Variants in POLGARF observed in about 807,000 individuals in gnomAD.
POLGARF encodes POLG alternative reading frame.
At chr15:89,332,286 A>T in the POLGARF span, 1 of 152,214 alleles carries the variant, frequency 6.6e-6, no homozygotes, top group Non-Finnish European at 1.5e-5. Flanking sequence ...TTCTTTACAA[A>T]GATGTAGCTT....
the POLGARF span, chr15:89,333,596 T>TGCTGC: frequency 1.3e-6 from 2 of 1,598,022 alleles, no homozygotes; most frequent in Admixed American, 1.7e-5. Flanking sequence ...GAGGCTGCTG[T>TGCTGC]TGCTGCTGCT....
the POLGARF span, among the ~76,000 whole-genome samples, chr15:89,332,919 G>C: frequency 4.4e-3 from 664 of 152,254 alleles, 5 homozygotes; most frequent in African/African-American, 0.015. Flanking sequence ...TACTGCCTGT[G>C]ATCTTCCCAC....
the POLGARF span, among the ~76,000 whole-genome samples, chr15:89,332,793 G>A: frequency 2.0e-5 from 3 of 152,028 alleles, no homozygotes; most frequent in African/African-American, 4.8e-5. Context: ...TAGGAGAGGG[G>A]GTAAAGGCAC....
At chr15:89,333,391 C>A in the POLGARF span, 2 of 1,589,364 alleles carry the variant, frequency 1.3e-6, no homozygotes, top group Non-Finnish European at 1.7e-6. Context: ...AGCTCCACGT[C>A]GGGCAAGGGC....
chr15:89,332,973 A>G, the POLGARF span: 7 of 1,321,402 alleles, frequency 5.3e-6, no homozygotes, highest in Non-Finnish European at 6.1e-6. Context: ...TCCTAATTCA[A>G]CACATCAGCG....
the POLGARF span, chr15:89,332,147 T>G: frequency 6.6e-6 from 1 of 152,280 alleles, no homozygotes; most frequent in Non-Finnish European, 1.5e-5. Flanking sequence ...AGTAGTGTGA[T>G]TCTCATTGTA....
At chr15:89,333,239 C>T in the POLGARF span, 9 of 1,576,690 alleles carry the variant, frequency 5.7e-6, no homozygotes, top group East Asian at 2.3e-5. Context: ...TCCAGCCCTC[C>T]GCCCAGGCCC....
chr15:89,333,806 C>T, the POLGARF span: 1 of 1,532,194 alleles, frequency 6.5e-7, no homozygotes, highest in Non-Finnish European at 8.7e-7. Context: ...GCTTTGGGCT[C>T]CAGCTTGGCT....
chr15:89,333,575 TTGCGGCTGC>T, the POLGARF span: 1 of 1,609,964 alleles, frequency 6.2e-7, no homozygotes, highest in Non-Finnish European at 8.5e-7. Context: ...AGGATAGCAC[TTGCGGCTGC>T]TGAGGCTGCT....
At chr15:89,333,107 G>T in the POLGARF span, 1 of 1,519,292 alleles carries the variant, frequency 6.6e-7, no homozygotes. Flanking sequence ...AGGCCGAGGG[G>T]GATATGGCCA....
chr15:89,330,666 G>A, the POLGARF span, among the ~76,000 whole-genome samples: 1 of 151,362 alleles, frequency 6.6e-6, no homozygotes, highest in Non-Finnish European at 1.5e-5. Flanking sequence ...ACCAGCTACT[G>A]TTCAAAGTAC....
chr15:89,331,972 A>G, the POLGARF span, among the ~76,000 whole-genome samples: 6 of 152,212 alleles, frequency 3.9e-5, no homozygotes, highest in African/African-American at 1.4e-4. Context: ...AAGAGAAAAG[A>G]AAAGGGGACT....
chr15:89,333,760 G>A, the POLGARF span: 2 of 1,534,966 alleles, frequency 1.3e-6, no homozygotes, highest in African/African-American at 1.4e-5. Context: ...CTCATGGTTG[G>A]TGCAGGGACC....
the POLGARF span, among the ~76,000 whole-genome samples, chr15:89,331,423 C>T: frequency 1.3e-5 from 2 of 152,176 alleles, no homozygotes; most frequent in Non-Finnish European, 1.5e-5. Flanking sequence ...AAAAGCCACA[C>T]TGGTGTCAAG....
At chr15:89,332,365 T>C in the POLGARF span, 13 of 152,218 alleles carry the variant, frequency 8.5e-5, no homozygotes, top group African/African-American at 2.9e-4. Context: ...TTGTAAATAG[T>C]ATTTTAATCC....
chr15:89,330,382 C>A, the POLGARF span: 98 of 893,668 alleles, frequency 1.1e-4, 1 homozygote, highest in African/African-American at 1.6e-5. Flanking sequence ...GCATTGGCAG[C>A]TGGGGACACA....
At chr15:89,332,197 T>C in the POLGARF span, 1 of 152,220 alleles carries the variant, frequency 6.6e-6, no homozygotes, top group Admixed American at 6.5e-5. Context: ...AGTTTTGCTC[T>C]TTTCAGCCAT....
chr15:89,332,997 C>T, the POLGARF span: 1 of 1,458,074 alleles, frequency 6.9e-7, no homozygotes, highest in Non-Finnish European at 9.1e-7. Flanking sequence ...CCTACGTGAG[C>T]ACCCAGCCCG....
the POLGARF span, among the ~76,000 whole-genome samples, chr15:89,332,591 G>C: frequency 7.2e-6 from 1 of 138,556 alleles, no homozygotes; most frequent in Admixed American, 7.6e-5. Flanking sequence ...GTCTGGAAAC[G>C]TTGCCGGCGG....
Sources: gnomAD v4.1 joint callset for allele counts (sites outside exome capture counted in the v4.1 genomes callset) on GRCh38, gnomAD v4.1.1 for gene constraint, MANE v1.5 for transcripts, NCBI Gene and HGNC (gene_info 2026-07-23, HGNC 2026-07-21) for gene names.